The following FGF12 variants were observed in gnomAD, a reference collection of about 807,000 sequenced individuals.
FGF12 encodes fibroblast growth factor 12.
A neutral mutation model predicts 23.6 loss-of-function variants in FGF12; 14 were observed. The observed-to-expected ratio is 0.59, with a 90% CI of 0.39 to 0.93. The LOEUF is 0.93. Among genes scored for constraint, FGF12 ranks in the 40% least tolerant of loss-of-function variants. The pLI is 0.00. For missense variants in FGF12, 175 were observed against 217.8 expected, an observed-to-expected ratio of 0.80 and a Z score of 1.24; for synonymous variants, 62 against 77.3, an observed-to-expected ratio of 0.80 and a Z score of 1.04.
At chr3:192,370,314 C>T (rs1445519385) in intron 2 of FGF12, among the ~76,000 whole-genome samples, 2 of 152,104 alleles carry the variant, frequency 1.3e-5, no homozygotes, top group Non-Finnish European at 2.9e-5. Context: ...GTATGTGCCA[C>T]TCTGTAAATT....
At chr3:192,662,538 C>T (rs769709790) in intron 2 of FGF12, among the ~76,000 whole-genome samples, 8 of 152,152 alleles carry the variant, frequency 5.3e-5, no homozygotes, top group Non-Finnish European at 8.8e-5. Flanking sequence ...TTTCCATAGG[C>T]TAGGAGGTCT....
intron 2 of FGF12, among the ~76,000 whole-genome samples, chr3:192,480,353 C>T (rs1442070211): frequency 6.6e-6 from 1 of 152,188 alleles, no homozygotes; most frequent in Non-Finnish European, 1.5e-5. Flanking sequence ...TAAGTATCAA[C>T]ATTAACTTCC....
At chr3:192,646,885 G>GT (rs11372856) in intron 2 of FGF12, among the ~76,000 whole-genome samples, 2,350 of 152,070 alleles carry the variant, frequency 0.015, 58 homozygotes, top group African/African-American at 0.053. Context: ...CATCAATAAA[G>GT]TTTTTTTTAA....
rs145316088 is a variant in FGF12 at position 192,510,330 on chromosome 3, C to A, written c.14-149792G>T. Among the ~76,000 whole-genome samples the A allele has an allele frequency of 3.8e-3, 578 of 152,242 alleles. 2 individuals carry two copies. The highest frequency in any genetic ancestry group is 8.4e-3 in the Admixed American group (129 of 15,288). On this transcript the variant is annotated intron_variant, in intron 2 of 5. Coordinates refer to ENST00000445105, the MANE Select transcript of FGF12 (RefSeq NM_004113.6). ...ACTGGTCAAAAGACATTAAGAGACA[C>A]CTCAACAAAGAAAATACACAGGTGG...
chr3:192,714,812 C>T (rs1028830955), intron 2 of FGF12, among the ~76,000 whole-genome samples: 2 of 152,182 alleles, frequency 1.3e-5, no homozygotes, highest in African/African-American at 4.8e-5. Context: ...GCCACCGCGC[C>T]CGGCCAAGGA....
intron 2 of FGF12, among the ~76,000 whole-genome samples, chr3:192,617,947 A>G (rs530299669): frequency 6.6e-6 from 1 of 152,246 alleles, no homozygotes; most frequent in South Asian, 2.1e-4. Context: ...TTTTAAGAAC[A>G]TATATATAGG....
intron 4 of FGF12, among the ~76,000 whole-genome samples, chr3:192,249,546 T>C (rs976026342): frequency 3.9e-5 from 6 of 152,158 alleles, no homozygotes; most frequent in Admixed American, 6.5e-5. Flanking sequence ...GGAGTTTTTT[T>C]TTTCTCAACA....
At chr3:192,239,399 G>T (rs978010003) in intron 4 of FGF12, among the ~76,000 whole-genome samples, 1 of 152,170 alleles carries the variant, frequency 6.6e-6, no homozygotes, top group African/African-American at 2.4e-5. Context: ...AGAGTAAGAT[G>T]GGAAATTGCT....
chr3:192,427,288 A>G (rs955486637), intron 2 of FGF12, among the ~76,000 whole-genome samples: 21 of 151,948 alleles, frequency 1.4e-4, no homozygotes, highest in Admixed American at 1.3e-3. Flanking sequence ...GGCTGAGGCA[A>G]GAGAATCGCT....
chr3:192,644,800 T>A (rs1487230208), intron 2 of FGF12, among the ~76,000 whole-genome samples: 1 of 152,142 alleles, frequency 6.6e-6, no homozygotes. Context: ...TGTCTAGTGT[T>A]ACAGATCGCT....
intron 2 of FGF12, among the ~76,000 whole-genome samples, chr3:192,519,071 T>G (rs368782099): frequency 6.6e-6 from 1 of 152,214 alleles, no homozygotes; most frequent in African/African-American, 2.4e-5. Context: ...TCATGACCAG[T>G]GTACAAATAT....
At chr3:192,250,580 T>C (rs1711940310) in intron 4 of FGF12, among the ~76,000 whole-genome samples, 1 of 152,178 alleles carries the variant, frequency 6.6e-6, no homozygotes. Flanking sequence ...ATACTCTCCC[T>C]ATCTACCTAA....
At chr3:192,376,344 ATTT>A (rs1354999270) in intron 2 of FGF12, among the ~76,000 whole-genome samples, 6 of 41,338 alleles carry the variant, frequency 1.5e-4, no homozygotes, top group South Asian at 1.8e-3. Flanking sequence ...ATTTAATTTT[ATTT>A]ATTTATTTAT....
intron 2 of FGF12, among the ~76,000 whole-genome samples, chr3:192,433,023 C>T (rs370185152): frequency 5.2e-4 from 79 of 152,274 alleles, no homozygotes; most frequent in African/African-American, 1.8e-3. Flanking sequence ...TTCAGATCGT[C>T]AAACGTGAGA....
chr3:192,252,205 A>G (rs1379444851), intron 4 of FGF12, among the ~76,000 whole-genome samples: 1 of 152,098 alleles, frequency 6.6e-6, no homozygotes, highest in Non-Finnish European at 1.5e-5. Flanking sequence ...TCACGCCTGT[A>G]ATCACAGCAC....
At chr3:192,404,512 C>G (rs1450194438) in intron 2 of FGF12, among the ~76,000 whole-genome samples, 2 of 152,124 alleles carry the variant, frequency 1.3e-5, no homozygotes, top group African/African-American at 2.4e-5. Context: ...GTAATTCATA[C>G]GGATGTACTA....
At chr3:192,232,874 A>G (rs940446647) in intron 4 of FGF12, among the ~76,000 whole-genome samples, 1 of 152,120 alleles carries the variant, frequency 6.6e-6, no homozygotes, top group Non-Finnish European at 1.5e-5. Flanking sequence ...GCTGCAAAGG[A>G]CATGATTTTG....
At chr3:192,594,011 T>C (rs1488869641) in intron 2 of FGF12, among the ~76,000 whole-genome samples, 2 of 151,958 alleles carry the variant, frequency 1.3e-5, no homozygotes, top group Non-Finnish European at 2.9e-5. Context: ...GTAAGCAGCT[T>C]GTCGGTTAGA....
rs571730085 is a variant in FGF12, at chr3:192,155,503, G to T, written c.428-11376C>A. Among the ~76,000 whole-genome samples, 21 of 152,222 alleles carry T rather than the reference G, an allele frequency of 1.4e-4. No homozygotes were observed. The South Asian group carries it at 1.9e-3, about 14-fold the overall frequency. ...ATTGAAAGGTGAGGTTCATTTGGGC[G>T]ATCTAAAACATGTTCTTTTGTTTTG... On this transcript the variant is annotated intron_variant, in intron 5 of 5. Coordinates refer to ENST00000445105, the MANE Select transcript of FGF12 (RefSeq NM_004113.6).
Sources: allele counts gnomAD v4.1 joint callset (sites outside exome capture counted in the v4.1 genomes callset), GRCh38; gene constraint gnomAD v4.1.1; transcripts MANE v1.5; gene names NCBI Gene and HGNC (gene_info 2026-07-23, HGNC 2026-07-21).